Variants in MLIP observed in about 807,000 individuals in gnomAD.
MLIP encodes muscular LMNA interacting protein.
MLIP carries 79 observed loss-of-function variants against 84.8 expected under a neutral mutation model. That is an observed-to-expected ratio of 0.93 (90% CI 0.78 to 1.12). The LOEUF is 1.12. Among genes scored for constraint, MLIP ranks in the 50% most tolerant of loss-of-function variants. MLIP has a pLI of 0.00. For synonymous variants in MLIP, 504 were observed against 463.0 expected, an observed-to-expected ratio of 1.09 and a Z score of -1.14; for missense variants, 1,257 against 1,160.6, an observed-to-expected ratio of 1.08 and a Z score of -1.21.
intron 1 of MLIP, among the ~76,000 whole-genome samples, chr6:54,088,077 T>C (rs999993382): frequency 5.3e-5 from 8 of 152,228 alleles, no homozygotes; most frequent in Admixed American, 3.9e-4. Context: ...AATTTGCATA[T>C]TCTTATGCTT....
At chr6:54,242,610 A>G (rs962227789) in intron 12 of MLIP, among the ~76,000 whole-genome samples, 2 of 152,210 alleles carry the variant, frequency 1.3e-5, no homozygotes, top group African/African-American at 2.4e-5. Context: ...AAGGAAAATC[A>G]GAAGTAATTC....
chr6:54,260,225 C>T (rs1783291577), intron 13 of MLIP, among the ~76,000 whole-genome samples: 1 of 151,756 alleles, frequency 6.6e-6, no homozygotes, highest in Non-Finnish European at 1.5e-5. Flanking sequence ...TTGACTTACT[C>T]ATCATTTTTG....
At chr6:54,110,129 C>T (rs1383039402), upstream of MLIP, among the ~76,000 whole-genome samples, 5 of 151,570 alleles carry the variant, frequency 3.3e-5, no homozygotes, top group South Asian at 1.0e-3. Flanking sequence ...ACTACAGCTG[C>T]CCGCCACAAC....
At chr6:54,030,992 A>G (rs1764098428) in intron 1 of MLIP, among the ~76,000 whole-genome samples, 1 of 152,206 alleles carries the variant, frequency 6.6e-6, no homozygotes, top group Non-Finnish European at 1.5e-5. Context: ...TATAGTGGAC[A>G]GTATTTTCCT....
intron 13 of MLIP, among the ~76,000 whole-genome samples, chr6:54,259,934 A>G (rs918324453): frequency 6.6e-6 from 1 of 151,882 alleles, no homozygotes; most frequent in African/African-American, 2.4e-5. Flanking sequence ...ACCAAGAAAC[A>G]TCAGTTTTAT....
chr6:54,102,080 T>C (rs1195145159), intron 1 of MLIP, among the ~76,000 whole-genome samples: 1 of 152,070 alleles, frequency 6.6e-6, no homozygotes, highest in East Asian at 1.9e-4. Context: ...ATCTCTAAAG[T>C]AAGGCTGGCA....
At chr6:54,165,465 T>TG (rs1391739152) in intron 8 of MLIP, among the ~76,000 whole-genome samples, 1 of 151,966 alleles carries the variant, frequency 6.6e-6, no homozygotes, top group African/African-American at 2.4e-5. Context: ...CGTTACCTCT[T>TG]TACAACCCTC....
intron 4 of MLIP, among the ~76,000 whole-genome samples, chr6:54,148,619 T>C (rs1005526134): frequency 3.3e-5 from 5 of 152,134 alleles, no homozygotes; most frequent in African/African-American, 1.2e-4. Flanking sequence ...TGCAAGAAAA[T>C]GATCAAGAGC....
At position 54,104,547 on chromosome 6, in the gene MLIP, T is replaced by A. The variant is rs147962772; in HGVS notation, c.64-16900T>A. 2.4e-3 allele frequency among the ~76,000 whole-genome samples: 359 copies of A among 152,332 alleles called. 1 individual carries two copies. The highest frequency in any genetic ancestry group is 3.5e-3 in the Non-Finnish European group (241 of 68,030). On this transcript the variant is annotated intron_variant, in intron 1 of 12. Coordinates refer to the MLIP transcript ENST00000274897. ...CCACTGAATATGTTGCTTGTGCAAC[T>A]GCTGTTAGCACAAGTGGATTTATAC...
chr6:54,249,732 C>CATATATATATATATATAT (rs761644366), intron 12 of MLIP, among the ~76,000 whole-genome samples: 1 of 139,676 alleles, frequency 7.2e-6, no homozygotes, highest in Non-Finnish European at 1.5e-5. Context: ...CACACACACA[C>CATATATATATATATATAT]ACATATATAT....
chr6:54,217,283 G>C (rs536021469), intron 11 of MLIP: 1 of 985,376 alleles, frequency 1.0e-6, no homozygotes, highest in African/African-American at 1.7e-5. Context: ...TAAAATGCCA[G>C]GATGGAACAA....
At chr6:54,185,950 C>A (rs2150657246) in intron 9 of MLIP, among the ~76,000 whole-genome samples, 1 of 152,182 alleles carries the variant, frequency 6.6e-6, no homozygotes, top group East Asian at 1.9e-4. Flanking sequence ...TGGCCCACAG[C>A]AATTAGAGAA....
chr6:54,058,769 C>T (rs1243123572), intron 1 of MLIP, among the ~76,000 whole-genome samples: 3 of 152,058 alleles, frequency 2.0e-5, no homozygotes, highest in Non-Finnish European at 1.5e-5. Context: ...GACATTGGAC[C>T]CTCAAACAAA....
intron 10 of MLIP, among the ~76,000 whole-genome samples, chr6:54,191,079 G>A (rs552392335): frequency 6.6e-6 from 1 of 152,198 alleles, no homozygotes; most frequent in South Asian, 2.1e-4. Flanking sequence ...ACAGGTGTGA[G>A]CCATCGCGCC....
intron 11 of MLIP, among the ~76,000 whole-genome samples, chr6:54,224,567 A>T (rs1780446940): frequency 6.6e-6 from 1 of 151,950 alleles, no homozygotes; most frequent in Admixed American, 6.6e-5. Flanking sequence ...CCTTAGGGGA[A>T]TTCTTTTATT....
intron 11 of MLIP, chr6:54,217,648 G>A: frequency 1.0e-6 from 1 of 983,684 alleles, no homozygotes; most frequent in Non-Finnish European, 1.2e-6. Context: ...AAGCTCCTCA[G>A]TAAAGCCTTT....
chr6:54,133,311 A>G (rs1771536021), intron 3 of MLIP, among the ~76,000 whole-genome samples: 1 of 152,156 alleles, frequency 6.6e-6, no homozygotes, highest in Non-Finnish European at 1.5e-5. Flanking sequence ...TCAGGTAAGA[A>G]AGGCTGAGAA....
At chr6:54,156,270 A>G (rs1342922943) in intron 5 of MLIP, among the ~76,000 whole-genome samples, 4 of 152,084 alleles carry the variant, frequency 2.6e-5, no homozygotes, top group Non-Finnish European at 5.9e-5. Flanking sequence ...TTTAAGTTCA[A>G]AATAAGCCCC....
rs573822015 is a variant in MLIP, at chr6:54,020,648, C to T, written c.63+1557C>T. Among the ~76,000 whole-genome samples, 3 of 152,296 alleles carry T rather than the reference C, an allele frequency of 2.0e-5. No individual in the cohort carries two copies. In the South Asian group the frequency reaches 6.2e-4, roughly 32 times the overall value. On this transcript the variant is annotated intron_variant, in intron 1 of 12. Transcript: ENST00000274897. ...ATTCGATGTATTAGCATTTCACTTT[C>T]TGGAAAGTCAGACATTGTGCATGCC...
Sources: gnomAD v4.1 joint callset for allele counts (sites outside exome capture counted in the v4.1 genomes callset) on GRCh38, gnomAD v4.1.1 for gene constraint, MANE v1.5 for transcripts, NCBI Gene and HGNC (gene_info 2026-07-23, HGNC 2026-07-21) for gene names.